The following SLC6A19 variants were observed in gnomAD, a reference collection of about 807,000 sequenced individuals.
SLC6A19 encodes the protein sodium-dependent neutral amino acid transporter B(0)AT1.
Under a neutral mutation model 68.3 loss-of-function variants are expected in SLC6A19, and 67 were observed. The observed-to-expected ratio is 0.98, with a 90% CI of 0.81 to 1.20. The LOEUF is 1.20. Ranked by LOEUF, SLC6A19 falls within the 50% of genes most tolerant of loss-of-function variation. The pLI is 0.00. For synonymous variants in SLC6A19, 392 were observed against 374.9 expected (o/e 1.05, Z -0.53); for missense variants, 813 against 851.6 (o/e 0.95, Z 0.56).
At chr5:1,220,968 C>T (rs534618961) in intron 10 of SLC6A19, among the ~76,000 whole-genome samples, 183 bp from the exon 11 acceptor site, 4 of 152,128 alleles carry the variant, frequency 2.6e-5, no homozygotes, top group South Asian at 2.1e-4. Flanking sequence ...AGCTGCTGGC[C>T]GTGCCCACAG....
intron 11 of SLC6A19, 42 bp downstream of exon 11, chr5:1,221,355 G>T: frequency 6.2e-7 from 1 of 1,607,260 alleles, no homozygotes. Flanking sequence ...AGAGGAATGG[G>T]GAAGGGGAAA....
chr5:1,208,614 T>C (rs1745922444), intron 1 of SLC6A19, 132 bp from the exon 2 acceptor site: 16 of 1,244,546 alleles, frequency 1.3e-5, no homozygotes, highest in Non-Finnish European at 1.6e-5. Flanking sequence ...GGCTGCTCCA[T>C]CTCAGCTCTG....
Position 1,201,668 on chromosome 5 carries a change from G to A in SLC6A19, c.18G>A (p.Leu6=). The change falls in exon 1 of 12, where the codon CTG becomes CTA. Residue 6 remains leucine (L), a synonymous_variant. Transcript: ENST00000304460. MVRLV[L]PNPGLDARIP... is the part of the protein sequence containing the mutation. ...CGACCACCATGGTGAGGCTCGTGCT[G>A]CCCAACCCCGGCCTAGACGCCCGGA... 6.2e-7 allele frequency: 1 copy of A among 1,607,732 alleles called. No individual in the cohort carries two copies. The highest frequency in any genetic ancestry group is 8.5e-7 in the Non-Finnish European group (1 of 1,179,520).
intron 2 of SLC6A19, 92 bp from the exon 3 acceptor site, chr5:1,210,352 T>G (rs1464851944): frequency 5.8e-6 from 9 of 1,562,116 alleles, no homozygotes; most frequent in Non-Finnish European, 7.8e-6. Flanking sequence ...CCACACCCTG[T>G]GCCAGCCCTG....
intron 6 of SLC6A19, among the ~76,000 whole-genome samples, chr5:1,216,262 G>A (rs1344812990): frequency 2.6e-5 from 4 of 152,236 alleles, no homozygotes; most frequent in African/African-American, 4.8e-5. Context: ...GGGGCGGAAA[G>A]AGACCTGAGC....
intron 1 of SLC6A19, among the ~76,000 whole-genome samples, 179 bp downstream of exon 1, chr5:1,202,031 G>C (rs34406176): frequency 6.6e-6 from 1 of 152,236 alleles, no homozygotes; most frequent in African/African-American, 2.4e-5. Flanking sequence ...CCGGTTCCTA[G>C]GCTGCTGGTG....
intron 3 of SLC6A19, 75 bp downstream of exon 3, chr5:1,210,656 A>AGGAAACTCAGGTCAGGCGTGGC: frequency 6.3e-7 from 1 of 1,595,938 alleles, no homozygotes; most frequent in Non-Finnish European, 8.5e-7. Flanking sequence ...ACATGGCCTC[A>AGGAAACTCAGGTCAGGCGTGGC]GGAAACTCAG....
chr5:1,221,997 G>A lies in SLC6A19; in HGVS notation c.*93G>A. ...TGGGGGCCGGGCTGCACCTGCATGT[G>A]TGTAAGCGTGAGTGTATGCTCGTGT... On this transcript the variant is annotated 3_prime_UTR_variant, in exon 12 of 12. Coordinates refer to ENST00000304460, the MANE Select transcript of SLC6A19 (RefSeq NM_001003841.3). 5 of 1,369,172 alleles carry A rather than the reference G, an allele frequency of 3.7e-6. No homozygotes were observed. The Admixed American group carries it at 5.8e-5, about 16-fold the overall frequency. 84.8% of individuals were successfully genotyped at this position (1,369,172 alleles called of 1,614,324 possible). A position where few individuals can be genotyped will look rare whatever the true frequency, so the allele number is the denominator to read the frequency against.
At chr5:1,208,031 T>A (rs571202277) in intron 1 of SLC6A19, among the ~76,000 whole-genome samples, 2 of 152,332 alleles carry the variant, frequency 1.3e-5, no homozygotes, top group African/African-American at 2.4e-5. Flanking sequence ...TTTGCAATTT[T>A]TTATTATTAT....
Position 1,224,156 on chromosome 5 carries a change from A to G in SLC6A19, c.*2252A>G, listed in dbSNP as rs914445487. The G allele has an allele frequency of 4.6e-5, 7 of 152,250 alleles. No individual in the cohort carries two copies. The highest frequency in any genetic ancestry group is 8.8e-5 in the Non-Finnish European group (6 of 68,048). The allele number at this position is 152,250 out of a possible 1,614,324, so 9.4% of individuals were successfully genotyped here. A position where few individuals can be genotyped will look rare whatever the true frequency, so the allele number is the denominator to read the frequency against. The stretch of plus-strand genomic sequence containing the variant: ...CCCTGCCAGGCGTGCACAGGTGTGC[A>G]TTGGTGTACCCTGGCATGCACAGGT... On this transcript the variant is annotated 3_prime_UTR_variant, in exon 12 of 12. Transcript: ENST00000304460.
chr5:1,214,210 G>A lies in SLC6A19; in HGVS notation c.887+145G>A, dbSNP rs1404199712. The A allele has an allele frequency of 2.0e-6, 3 of 1,467,990 alleles. No individual in the cohort carries two copies. The Admixed American group carries it at 6.3e-5, about 31-fold the overall frequency. The allele number at this position is 1,467,990 out of a possible 1,614,324, so 90.9% of individuals were successfully genotyped here. ...ATGGGCCCGTTCCCTCCTGCTCGGG[G>A]TCCATGTGAGCTGAGTCTAGAGTGC... On this transcript the variant is annotated intron_variant, in intron 6 of 11. Coordinates refer to ENST00000304460, the MANE Select transcript of SLC6A19 (RefSeq NM_001003841.3). This position sits in a 1 kb window ranked among gnomAD's most constrained non-coding sequence, Gnocchi z 7.4.
intron 2 of SLC6A19, 105 bp downstream of exon 2, chr5:1,208,991 C>A: frequency 7.1e-7 from 1 of 1,403,804 alleles, no homozygotes; most frequent in Non-Finnish European, 9.5e-7. Context: ...TGCCCCTGCT[C>A]TGCCTTCCCT....
In SLC6A19 at chr5:1,209,259, G is replaced by A. The variant is rs896824790; in HGVS notation, c.343+373G>A. Among the ~76,000 whole-genome samples, 7 of 152,150 alleles carry A rather than the reference G, an allele frequency of 4.6e-5. No individual in the cohort carries two copies. The highest frequency in any genetic ancestry group is 1.7e-4 in the African/African-American group (7 of 41,426). On this transcript the variant is annotated intron_variant, in intron 2 of 11. Transcript: ENST00000304460. This position sits in a 1 kb window ranked among gnomAD's most constrained non-coding sequence, Gnocchi z 5.5. ...TCCACTCCCCCACACCTAGTGAGGA[G>A]GTCCCCAGCACTGACACCCCCAGAC...
intron 1 of SLC6A19, among the ~76,000 whole-genome samples, chr5:1,208,115 CA>C (rs1745907257): frequency 6.6e-6 from 1 of 152,200 alleles, no homozygotes; most frequent in Non-Finnish European, 1.5e-5. Context: ...AAGACATCCA[CA>C]ATGCCATGTA....
In SLC6A19 at chr5:1,221,759, T is replaced by A; in HGVS notation, c.1760T>A (p.Val587Glu). 2.5e-6 allele frequency: 4 copies of A among 1,614,082 alleles called. No individual in the cohort carries two copies. The highest frequency in any genetic ancestry group is 3.4e-6 in the Non-Finnish European group (4 of 1,179,962). Residue 587 changes from valine (V) to glutamate (E), a missense_variant, in exon 12 of 12, where the codon GTG becomes GAG. Coordinates refer to ENST00000304460, the MANE Select transcript of SLC6A19 (RefSeq NM_001003841.3). ...SYPNWVYVVV[V>E]IVAGVPSLTI... ...CCGAACTGGGTGTATGTGGTGGTGG[T>A]GATTGTGGCTGGAGTGCCCTCCCTC...
rs374172838 is a variant in SLC6A19, at chr5:1,221,305, C to T, written c.1693C>T (p.Pro565Ser). Residue 565 changes from proline to serine, a missense_variant, in exon 11 of 12, where the codon CCT becomes TCT. By Grantham distance (74) the Pro-to-Ser change is moderately conservative. Coordinates refer to ENST00000304460, the MANE Select transcript of SLC6A19 (RefSeq NM_001003841.3). Reference protein sequence around the residue: ...SQELTYSIWDPGYEEFPKSQK... With the variant: ...SQELTYSIWDSGYEEFPKSQK... Reference sequence around the variant, plus strand: ...GGAGCTGACCTACAGCATCTGGGACCCTGGCTACGTAAGTGTCCAGGCAGT... The same window carrying T: ...GGAGCTGACCTACAGCATCTGGGACTCTGGCTACGTAAGTGTCCAGGCAGT... The T allele has an allele frequency of 8.7e-6, 14 of 1,613,418 alleles. No individual in the cohort carries two copies. Among genetic ancestry groups the T allele is most frequent in the African/African-American group, 2.7e-5 (2 of 74,902 alleles).
At chr5:1,218,259 C>T (rs969586153) in intron 8 of SLC6A19, among the ~76,000 whole-genome samples, 1 of 152,230 alleles carries the variant, frequency 6.6e-6, no homozygotes, top group Non-Finnish European at 1.5e-5. Context: ...TTGAGTCCTG[C>T]CATATCCAAT....
rs1385330182 is a variant in SLC6A19 at position 1,211,981 on chromosome 5, TGTGTCCGTGC to T, written c.482-321_482-312del. Among the ~76,000 whole-genome samples, 22 of 149,608 alleles carry T rather than the reference TGTGTCCGTGC, an allele frequency of 1.5e-4. No homozygotes were observed. In the East Asian group the frequency reaches 4.4e-3, roughly 30 times the overall value. ...TGCCTGTGTGCATGTGTGTGTGTTGTGTGTCCGTGCATGTGCGTGCATGTGAGCATGTGTG... is the reference window on the plus strand; with the variant it reads ...TGCCTGTGTGCATGTGTGTGTGTTGTATGTGCGTGCATGTGAGCATGTGTG... On this transcript the variant is annotated intron_variant, in intron 3 of 11. Coordinates refer to ENST00000304460, the MANE Select transcript of SLC6A19 (RefSeq NM_001003841.3).
At position 1,212,498 on chromosome 5, in the gene SLC6A19, C is replaced by G; in HGVS notation, c.663+14C>G. ...ACCACCGGGAAGGTACTGCATGGGC[C>G]CGGCCAGGCTGCAGGTGCTCCAGAG... is the stretch of plus-strand genomic sequence containing the variant. On this transcript the variant is annotated intron_variant, in intron 4 of 11. Coordinates refer to ENST00000304460, the MANE Select transcript of SLC6A19 (RefSeq NM_001003841.3). This position sits in a 1 kb window ranked among gnomAD's most constrained non-coding sequence, Gnocchi z 5.1. 1 of 1,604,838 alleles carries G rather than the reference C, an allele frequency of 6.2e-7. No homozygotes were observed. The highest frequency in any genetic ancestry group is 8.5e-7 in the Non-Finnish European group (1 of 1,179,730).
Sources: gnomAD v4.1 joint callset for allele counts (sites outside exome capture counted in the v4.1 genomes callset) on GRCh38, gnomAD v4.1.1 for gene constraint, Gnocchi (gnomAD v3.1) non-coding constraint, MANE v1.5 for transcripts, NCBI Gene and HGNC (gene_info 2026-07-23, HGNC 2026-07-21) for gene names.